Variants in WDR19 observed in about 807,000 individuals in gnomAD.
WDR19 encodes WD repeat domain 19, also known as WD repeat-containing protein 19.
Under a neutral mutation model 180.0 loss-of-function variants are expected in WDR19, and 121 were observed. The ratio of observed to expected loss-of-function variants is 0.67; its 90% CI spans 0.58 to 0.78. WDR19 has a LOEUF of 0.78. Among genes scored for constraint, WDR19 ranks in the 30% least tolerant of loss-of-function variants. The probability of loss-of-function intolerance (pLI) is 0.00; values close to 1 mark genes in which losing one functional copy is unlikely to be tolerated. For missense variants in WDR19, 1,450 were observed against 1,640.7 expected (o/e 0.88, Z 2.01); for synonymous variants, 497 against 540.7 (o/e 0.92, Z 1.12).
At chr4:39,249,548 A>C (rs1378317168) in intron 24 of WDR19, among the ~76,000 whole-genome samples, 1 of 152,236 alleles carries the variant, frequency 6.6e-6, no homozygotes, top group African/African-American at 2.4e-5. Context: ...AAATCAATGA[A>C]TCCAGGAGCT....
chr4:39,282,024 G>T (rs1333376357), intron 36 of WDR19, among the ~76,000 whole-genome samples: 2 of 152,084 alleles, frequency 1.3e-5, no homozygotes, highest in African/African-American at 4.8e-5. Context: ...GTAAAGTCTG[G>T]ACCCTATTAT....
At chr4:39,225,634 G>C (rs1730167678) in intron 15 of WDR19, among the ~76,000 whole-genome samples, 1 of 152,120 alleles carries the variant, frequency 6.6e-6, no homozygotes, top group Admixed American at 6.5e-5. Flanking sequence ...CTGTGTTTTT[G>C]GTCAAATTCA....
intron 9 of WDR19, among the ~76,000 whole-genome samples, chr4:39,207,917 G>A (rs1328676880): frequency 6.6e-6 from 1 of 152,062 alleles, no homozygotes; most frequent in Non-Finnish European, 1.5e-5. Context: ...GCTCAGTAGG[G>A]TGTTTAATGC....
chr4:39,216,248 A>T (rs1729060868), intron 12 of WDR19, 38 bp downstream of exon 12: 2 of 1,475,058 alleles, frequency 1.4e-6, no homozygotes, highest in Non-Finnish European at 1.8e-6. Flanking sequence ...TATCTAGCAC[A>T]TAATTTCTGT....
intron 36 of WDR19, among the ~76,000 whole-genome samples, chr4:39,282,452 C>CA (rs1736637812): frequency 6.6e-6 from 1 of 152,116 alleles, no homozygotes; most frequent in Admixed American, 6.6e-5. Context: ...GGCCAGAGTG[C>CA]AATGATGCAA....
intron 1 of WDR19, among the ~76,000 whole-genome samples, chr4:39,185,449 A>G (rs1725413219): frequency 6.6e-6 from 1 of 152,218 alleles, no homozygotes; most frequent in South Asian, 2.1e-4. Flanking sequence ...TTTTTGTAAA[A>G]TTAACATTCA....
chr4:39,223,433 A>G (rs1016294694), intron 14 of WDR19, among the ~76,000 whole-genome samples: 2 of 152,074 alleles, frequency 1.3e-5, no homozygotes, highest in Admixed American at 6.6e-5. Flanking sequence ...TGGGTTCAAG[A>G]GGTTCTTCTG....
chr4:39,283,351 G>C (rs996396149), intron 36 of WDR19, among the ~76,000 whole-genome samples: 4 of 151,136 alleles, frequency 2.6e-5, no homozygotes, highest in Non-Finnish European at 4.4e-5. Flanking sequence ...TATTGTGTCT[G>C]TGTTCATGGG....
intron 9 of WDR19, among the ~76,000 whole-genome samples, chr4:39,207,502 A>C (rs1728075750): frequency 6.6e-6 from 1 of 152,210 alleles, no homozygotes; most frequent in Admixed American, 6.5e-5. Context: ...AATAAAGACA[A>C]AGAAAAAATC....
At chr4:39,202,367 T>C (rs1357804875) in intron 6 of WDR19, among the ~76,000 whole-genome samples, 1 of 152,130 alleles carries the variant, frequency 6.6e-6, no homozygotes, top group Non-Finnish European at 1.5e-5. Context: ...TTGAAATACA[T>C]GAATAGACAG....
At chr4:39,279,651 C>T (rs1238888988) in intron 36 of WDR19, among the ~76,000 whole-genome samples, 2 of 151,490 alleles carry the variant, frequency 1.3e-5, no homozygotes, top group Non-Finnish European at 2.9e-5. Context: ...AGCACACAAG[C>T]GTTCGTCTCT....
intron 7 of WDR19, 106 bp downstream of exon 7, chr4:39,203,828 A>C (rs1023655732): frequency 1.2e-5 from 13 of 1,105,852 alleles, no homozygotes; most frequent in Non-Finnish European, 1.7e-5. Flanking sequence ...AATTAGGTCC[A>C]TTGACTGTAT....
At chr4:39,216,336 C>A in intron 12 of WDR19, 126 bp downstream of exon 12, 1 of 796,662 alleles carries the variant, frequency 1.3e-6, no homozygotes, top group Non-Finnish European at 1.9e-6. Context: ...TCATTCTTAG[C>A]TTAAATGGTT....
At chr4:39,190,377 G>T (rs919525973) in intron 4 of WDR19, among the ~76,000 whole-genome samples, 2 of 152,158 alleles carry the variant, frequency 1.3e-5, no homozygotes, top group Non-Finnish European at 2.9e-5. Context: ...TGGGCAGACA[G>T]AATAAATGAC....
In WDR19 at chr4:39,265,205, C is replaced by T. The variant is rs867116094; in HGVS notation, c.3184-858C>T. On this transcript the variant is annotated intron_variant, in intron 28 of 36. Coordinates refer to ENST00000399820, the MANE Select transcript of WDR19 (RefSeq NM_025132.4). ...AAGTGCTGGGATTACAGGCATGAGC[C>T]ACCGTGCCTGGCCTGGAGATGACTT... Among the ~76,000 whole-genome samples, 7 of 151,994 alleles carry T rather than the reference C, an allele frequency of 4.6e-5. No individual in the cohort carries two copies. In the South Asian group the frequency reaches 1.5e-3, roughly 32 times the overall value.
intron 9 of WDR19, among the ~76,000 whole-genome samples, chr4:39,210,350 A>G (rs1560495420): frequency 6.6e-6 from 1 of 152,268 alleles, no homozygotes; most frequent in Non-Finnish European, 1.5e-5. Flanking sequence ...TTTATTTCAG[A>G]TACTGAAAAT....
rs587777351 is a variant in WDR19, at chr4:39,274,945, G to A, written c.3703G>A (p.Glu1235Lys). 9.3e-6 allele frequency: 15 copies of A among 1,613,858 alleles called. No individual in the cohort carries two copies. The highest frequency in any genetic ancestry group is 4.5e-5 in the East Asian group (2 of 44,894). ...AGATGCCAAATACAAAAAGAAGATC[G>A]AGGGAATGGTCAGGTAGGCAGAGAT... ...KIDAKYKKKIEGMVRRPDISE... is the reference protein window; with the variant it reads ...KIDAKYKKKIKGMVRRPDISE... Residue 1235 changes from glutamate to lysine, a missense_variant, in exon 33 of 37, where the codon GAG (glutamate) becomes AAG (lysine). By Grantham distance (56) the Glu-to-Lys change is moderately conservative. Transcript: ENST00000399820.
At position 39,231,970 on chromosome 4, in the gene WDR19, TATAGA is replaced by T; in HGVS notation, c.2142+17_2142+21del. 6.2e-7 allele frequency: 1 copy of T among 1,602,644 alleles called. No individual in the cohort carries two copies. The highest frequency in any genetic ancestry group is 8.5e-7 in the Non-Finnish European group (1 of 1,171,098). On this transcript the variant is annotated intron_variant, in intron 18 of 36. Transcript: ENST00000399820. ...GAACAAATAAAGGTAAACAGCATGT[TATAGA>T]ATTATCAAGTTAAAATTTAAATGCT... is the stretch of plus-strand genomic sequence containing the variant.
intron 36 of WDR19, among the ~76,000 whole-genome samples, chr4:39,281,436 A>G (rs60016848): frequency 0.5 from 76,199 of 151,216 alleles, 20,569 homozygotes; most frequent in African/African-American, 0.71. Flanking sequence ...TTTGCCGTTG[A>G]CGTGTTTTTC....
Sources: gnomAD v4.1 joint callset for allele counts (sites outside exome capture counted in the v4.1 genomes callset) on GRCh38, gnomAD v4.1.1 for gene constraint, MANE v1.5 for transcripts, NCBI Gene and HGNC (gene_info 2026-07-23, HGNC 2026-07-21) for gene names.